Variants in RAP1A observed in about 807,000 individuals in gnomAD.
RAP1A encodes the protein RAP1A, member of RAS oncogene family.
A neutral mutation model predicts 26.4 loss-of-function variants in RAP1A; 6 were observed. The ratio of observed to expected loss-of-function variants is 0.23; its 90% CI spans 0.12 to 0.45. The LOEUF (loss-of-function observed/expected upper bound fraction) is 0.45, where lower values mean the gene tolerates loss of function less well. RAP1A is among the 20% of genes least tolerant of loss of function. RAP1A has a pLI of 0.99. For missense variants in RAP1A, 121 were observed against 217.2 expected, an observed-to-expected ratio of 0.56 and a Z score of 2.78; for synonymous variants, 73 against 79.4, an observed-to-expected ratio of 0.92 and a Z score of 0.43.
intron 1 of RAP1A, among the ~76,000 whole-genome samples, chr1:111,590,727 A>G (rs1173115916): frequency 6.6e-6 from 1 of 152,014 alleles, no homozygotes; most frequent in Admixed American, 6.6e-5. Context: ...GGCCTCTCCA[A>G]TGTTCTAATA....
At chr1:111,580,619 C>T (rs1268404079) in intron 1 of RAP1A, among the ~76,000 whole-genome samples, 4 of 152,080 alleles carry the variant, frequency 2.6e-5, no homozygotes, top group East Asian at 1.9e-4. Flanking sequence ...GAGGCCAAGG[C>T]GGGCGGATCA....
chr1:111,672,718 AT>A (rs1661012978), intron 1 of RAP1A, among the ~76,000 whole-genome samples: 1 of 152,146 alleles, frequency 6.6e-6, no homozygotes, highest in Non-Finnish European at 1.5e-5. Context: ...TGTTGGCTGG[AT>A]TTTGTTCATT....
intron 4 of RAP1A, among the ~76,000 whole-genome samples, chr1:111,699,319 G>A (rs1661940411): frequency 6.6e-6 from 1 of 151,976 alleles, no homozygotes; most frequent in Non-Finnish European, 1.5e-5. Flanking sequence ...TTTCCTTGAT[G>A]TCCATCCTAC....
At chr1:111,640,277 ATAT>A (rs1659853362) in intron 1 of RAP1A, among the ~76,000 whole-genome samples, 1 of 152,198 alleles carries the variant, frequency 6.6e-6, no homozygotes, top group African/African-American at 2.4e-5. Flanking sequence ...TTTTAACTAA[ATAT>A]TATGTGAGAC....
chr1:111,657,749 A>T (rs1286569987), intron 1 of RAP1A, among the ~76,000 whole-genome samples: 2 of 152,220 alleles, frequency 1.3e-5, no homozygotes, highest in Admixed American at 1.3e-4. Context: ...ATTTTCAAAA[A>T]TCATTTGACC....
chr1:111,700,008 A>G (rs1260304387), intron 4 of RAP1A, among the ~76,000 whole-genome samples: 2 of 152,120 alleles, frequency 1.3e-5, no homozygotes, highest in African/African-American at 4.8e-5. Context: ...AAGAAACAAT[A>G]CTTGCCTGAT....
chr1:111,704,536 T>A, intron 6 of RAP1A, 50 bp downstream of exon 6: 1 of 1,520,132 alleles, frequency 6.6e-7, no homozygotes, highest in Non-Finnish European at 8.8e-7. Flanking sequence ...TTAGTTTGCT[T>A]TAAGTTAACA....
intron 1 of RAP1A, among the ~76,000 whole-genome samples, chr1:111,560,903 C>T (rs1332909035): frequency 6.6e-6 from 1 of 152,116 alleles, no homozygotes; most frequent in Non-Finnish European, 1.5e-5. Flanking sequence ...GACCTGTAGC[C>T]CAATTTGCTC....
chr1:111,548,211 G>T (rs1165533849), intron 1 of RAP1A, among the ~76,000 whole-genome samples: 1 of 152,152 alleles, frequency 6.6e-6, no homozygotes, highest in Non-Finnish European at 1.5e-5. Context: ...AGTAGAGATG[G>T]GGTTTCCCCA....
chr1:111,650,066 A>G (rs1660213991), intron 1 of RAP1A, among the ~76,000 whole-genome samples: 1 of 148,482 alleles, frequency 6.7e-6, no homozygotes, highest in Non-Finnish European at 1.5e-5. Context: ...CAATATATAT[A>G]AGTAATATTT....
At chr1:111,681,653 A>G (rs1282160289) in intron 1 of RAP1A, among the ~76,000 whole-genome samples, 1 of 152,236 alleles carries the variant, frequency 6.6e-6, no homozygotes, top group Non-Finnish European at 1.5e-5. Flanking sequence ...ATTAGAGAAA[A>G]TAGAATGAAA....
chr1:111,612,943 T>G (rs943404834), intron 1 of RAP1A, among the ~76,000 whole-genome samples: 1 of 152,110 alleles, frequency 6.6e-6, no homozygotes, highest in African/African-American at 2.4e-5. Context: ...ACTACAAAAT[T>G]TTGTACTCTT....
chr1:111,674,865 C>T (rs1384899075), intron 1 of RAP1A, among the ~76,000 whole-genome samples: 1 of 152,178 alleles, frequency 6.6e-6, no homozygotes, highest in Non-Finnish European at 1.5e-5. Flanking sequence ...GCAGTAGCTT[C>T]CTAGCTATTC....
At chr1:111,673,745 T>C (rs757724964) in intron 1 of RAP1A, among the ~76,000 whole-genome samples, 7 of 152,226 alleles carry the variant, frequency 4.6e-5, no homozygotes, top group Non-Finnish European at 8.8e-5. Flanking sequence ...ATAGAGGTTT[T>C]CTAACTTGGC....
chr1:111,658,111 G>A (rs559690097), intron 1 of RAP1A, among the ~76,000 whole-genome samples: 28 of 152,158 alleles, frequency 1.8e-4, no homozygotes, highest in Non-Finnish European at 3.4e-4. Context: ...ATAAAGTACA[G>A]TCATACATCA....
At chr1:111,634,480 C>T (rs1259181724) in intron 1 of RAP1A, among the ~76,000 whole-genome samples, 1 of 150,400 alleles carries the variant, frequency 6.6e-6, no homozygotes, top group Non-Finnish European at 1.5e-5. Context: ...CACCAAAAGA[C>T]CTAGATTATT....
chr1:111,683,356 C>CT (rs1241296179), intron 1 of RAP1A, among the ~76,000 whole-genome samples: 1 of 151,860 alleles, frequency 6.6e-6, no homozygotes, highest in African/African-American at 2.4e-5. Context: ...CAAAAAAAAC[C>CT]TTCAAAAAAT....
intron 1 of RAP1A, among the ~76,000 whole-genome samples, chr1:111,612,511 T>C (rs1350765172): frequency 6.6e-6 from 1 of 152,196 alleles, no homozygotes; most frequent in East Asian, 1.9e-4. Flanking sequence ...CTGATTTAGC[T>C]CTCTCACAAT....
upstream of RAP1A, among the ~76,000 whole-genome samples, chr1:111,618,151 C>T (rs772495875): frequency 3.9e-4 from 59 of 152,172 alleles, no homozygotes; most frequent in Admixed American, 1.7e-3. Flanking sequence ...TTTTCTCCTT[C>T]AAAGCAAAGC....
Sources: gnomAD v4.1 joint callset for allele counts (sites outside exome capture counted in the v4.1 genomes callset) on GRCh38, gnomAD v4.1.1 for gene constraint, MANE v1.5 for transcripts, NCBI Gene and HGNC (gene_info 2026-07-23, HGNC 2026-07-21) for gene names.